PSMA4: variants seen among roughly 807,000 people sequenced by gnomAD.
PSMA4 encodes proteasome subunit alpha type-4.
PSMA4 carries 8 observed loss-of-function variants against 37.2 expected under a neutral mutation model. The ratio of observed to expected loss-of-function variants is 0.22; its 90% CI spans 0.13 to 0.39. The LOEUF (loss-of-function observed/expected upper bound fraction) is 0.39, where lower values mean the gene tolerates loss of function less well. Ranked by LOEUF, PSMA4 falls within the 10% of genes least tolerant of loss-of-function variation. PSMA4 has a pLI of 1.00. For synonymous variants in PSMA4, 93 were observed against 98.8 expected (o/e 0.94, Z 0.35); for missense variants, 169 against 305.1 (o/e 0.55, Z 3.32).
At chr15:78,543,359 G>T (rs1328251533) in intron 4 of PSMA4, among the ~76,000 whole-genome samples, 3 of 152,072 alleles carry the variant, frequency 2.0e-5, no homozygotes, top group African/African-American at 7.2e-5. Flanking sequence ...TTGGCTAGGC[G>T]TAGTCACAGG....
chr15:78,545,905 G>T, intron 7 of PSMA4, 141 bp downstream of exon 7: 2 of 946,394 alleles, frequency 2.1e-6, no homozygotes, highest in South Asian at 1.6e-5. Flanking sequence ...GATTTCTGTT[G>T]GTGACAGCAT....
intron 6 of PSMA4, 66 bp downstream of exon 6, chr15:78,545,023 G>T (rs1228277151): frequency 8.7e-7 from 1 of 1,155,554 alleles, no homozygotes; most frequent in Non-Finnish European, 1.2e-6. Context: ...TAACCCTTTT[G>T]AGGTAGTAAA....
chr15:78,548,844 A>G lies in PSMA4; in HGVS notation c.686A>G (p.Lys229Arg). The G allele has an allele frequency of 6.2e-7, 1 of 1,613,332 alleles. No homozygotes were observed. Among genetic ancestry groups the G allele is most frequent in the Non-Finnish European group, 8.5e-7 (1 of 1,179,724 alleles). Residue 229 changes from lysine (K) to arginine (R), a missense_variant, in exon 9 of 9, where the codon AAA (lysine) becomes AGA (arginine). Physicochemically the swap from Lys to Arg is conservative, Grantham distance 26. Coordinates refer to ENST00000044462, the MANE Select transcript of PSMA4 (RefSeq NM_002789.6). ...ENGKTVIRVL[K>R]QKEVEQLIKK... ...GGAAAGACAGTAATCAGAGTTCTCA[A>G]ACAAAAAGAAGTGGAGCAGTTGATC...
intron 8 of PSMA4, among the ~76,000 whole-genome samples, chr15:78,547,033 TG>T (rs2052565834): frequency 6.6e-6 from 1 of 152,230 alleles, no homozygotes; most frequent in South Asian, 2.1e-4. Context: ...CTCAAAGTGC[TG>T]GGATTACAGG....
intron 8 of PSMA4, among the ~76,000 whole-genome samples, chr15:78,547,862 G>T (rs1231595990): frequency 6.6e-6 from 1 of 151,876 alleles, no homozygotes; most frequent in Non-Finnish European, 1.5e-5. Context: ...ATTTCTAAAT[G>T]TTTTTCAGAA....
chr15:78,541,198 C>T (rs1191124066), intron 1 of PSMA4: 1 of 140,292 alleles, frequency 7.1e-6, no homozygotes, highest in Non-Finnish European at 1.5e-5. Context: ...CTTACCTTTC[C>T]AGTCTTGATT....
At chr15:78,545,107 A>T in intron 6 of PSMA4, 150 bp downstream of exon 6, 1 of 568,924 alleles carries the variant, frequency 1.8e-6, no homozygotes, top group Non-Finnish European at 3.1e-6. Context: ...GTACATATTC[A>T]TGAGGTACAT....
At chr15:78,545,505 AGAATACAAAACAGTTTAT>A in intron 6 of PSMA4, 111 bp from the exon 7 acceptor site, 1 of 1,063,214 alleles carries the variant, frequency 9.4e-7, no homozygotes, top group Non-Finnish European at 1.4e-6. Context: ...TATGGTAGCC[AGAATACAAAACAGTTTAT>A]GAATGCTTAA....
At position 78,551,162 on chromosome 15, in the gene PSMA4, G is replaced by T. The variant is rs1449144118; in HGVS notation, c.*2218G>T. 6.6e-6 allele frequency: 1 copy of T among 152,152 alleles called. No individual in the cohort carries two copies. The highest frequency in any genetic ancestry group is 1.5e-5 in the Non-Finnish European group (1 of 68,060). 9.4% of individuals were successfully genotyped at this position (152,152 alleles called of 1,614,324 possible). A position where few individuals can be genotyped will look rare whatever the true frequency, so the allele number is the denominator to read the frequency against. On this transcript the variant is annotated 3_prime_UTR_variant, in exon 9 of 9. Coordinates refer to ENST00000044462, the MANE Select transcript of PSMA4 (RefSeq NM_002789.6). ...ATTCCCCACAGTCAATTCTCCAGCA[G>T]CAGCCACAGTGATCCTTTCAAAATG...
In PSMA4 at chr15:78,549,413, C is replaced by G. The variant is rs1396852121; in HGVS notation, c.*469C>G. The stretch of plus-strand genomic sequence containing the variant: ...GTGGGTGTGGATCTCGCAGCTAGGA[C>G]TGAGGCTGCCCACAGGCAGCAGCTC... On this transcript the variant is annotated 3_prime_UTR_variant, in exon 9 of 9. Transcript: ENST00000044462. 8.0e-6 allele frequency: 1 copy of G among 124,622 alleles called. No individual in the cohort carries two copies. Among genetic ancestry groups the G allele is most frequent in the Non-Finnish European group, 1.8e-5 (1 of 56,360 alleles). The allele number at this position is 124,622 out of a possible 1,614,324, so 7.7% of individuals were successfully genotyped here.
intron 7 of PSMA4, among the ~76,000 whole-genome samples, chr15:78,546,241 C>T (rs1324416440): frequency 6.6e-6 from 1 of 152,014 alleles, no homozygotes. Context: ...CTCAGGAGTT[C>T]GAGACCAGCC....
rs1567041901 is a variant in PSMA4 at position 78,551,556 on chromosome 15, G to C, written c.*2612G>C. Reference sequence around the variant, plus strand: ...TTCTATTCCCTATACATACCCTGTTGAGTTTTTCTCCATAGCACTCATCAC... The same window carrying C: ...TTCTATTCCCTATACATACCCTGTTCAGTTTTTCTCCATAGCACTCATCAC... On this transcript the variant is annotated 3_prime_UTR_variant, in exon 9 of 9. Transcript: ENST00000044462. 1 of 151,686 alleles carries C rather than the reference G, an allele frequency of 6.6e-6. No homozygotes were observed. The highest frequency in any genetic ancestry group is 1.5e-5 in the Non-Finnish European group (1 of 68,014). The allele number at this position is 151,686 out of a possible 1,614,324, so 9.4% of individuals were successfully genotyped here.
chr15:78,541,542 T>A (rs1257640288), intron 1 of PSMA4: 3 of 273,870 alleles, frequency 1.1e-5, no homozygotes, highest in Non-Finnish European at 2.1e-5. Flanking sequence ...TTTCTTCCCC[T>A]GTTCTTTCTC....
At chr15:78,542,289 T>C (rs1353119117) in intron 3 of PSMA4, 70 bp downstream of exon 3, 1 of 1,508,810 alleles carries the variant, frequency 6.6e-7, no homozygotes, top group Non-Finnish European at 9.0e-7. Context: ...AAAAAAAAAT[T>C]ACAAACTTTT....
chr15:78,541,501 C>A, intron 1 of PSMA4: 1 of 208,618 alleles, frequency 4.8e-6, no homozygotes, highest in South Asian at 6.6e-5. Flanking sequence ...ACCCTTTGTT[C>A]ATACTTTCTG....
chr15:78,547,999 G>C (rs1215084683), intron 8 of PSMA4, among the ~76,000 whole-genome samples: 1 of 152,104 alleles, frequency 6.6e-6, no homozygotes, highest in Non-Finnish European at 1.5e-5. Context: ...GGAGGCCGAG[G>C]TGGGTGGATC....
chr15:78,547,768 C>T (rs1172273543), intron 8 of PSMA4, among the ~76,000 whole-genome samples: 1 of 151,812 alleles, frequency 6.6e-6, no homozygotes, highest in African/African-American at 2.4e-5. Context: ...ACCTGGGAAG[C>T]GGAGGCTGCA....
intron 7 of PSMA4, 65 bp from the exon 8 acceptor site, chr15:78,546,510 T>C: frequency 7.0e-7 from 1 of 1,430,172 alleles, no homozygotes; most frequent in Non-Finnish European, 9.4e-7. Context: ...ATTTTTCTTC[T>C]AGACCAATTC....
chr15:78,546,752 C>T, intron 8 of PSMA4, 54 bp downstream of exon 8: 1 of 1,524,968 alleles, frequency 6.6e-7, no homozygotes, highest in Non-Finnish European at 8.8e-7. Flanking sequence ...AAATTAGCAG[C>T]TGTTAAGATT....
Sources: gnomAD v4.1 joint callset for allele counts (sites outside exome capture counted in the v4.1 genomes callset) on GRCh38, gnomAD v4.1.1 for gene constraint, MANE v1.5 for transcripts, NCBI Gene and HGNC (gene_info 2026-07-23, HGNC 2026-07-21) for gene names.